ENOX1: variants seen among roughly 807,000 people sequenced by gnomAD.
ENOX1 encodes the protein ecto-NOX disulfide-thiol exchanger 1.
A neutral mutation model predicts 82.5 loss-of-function variants in ENOX1; 42 were observed. That is an observed-to-expected ratio of 0.51 (90% CI 0.40 to 0.66). The LOEUF (loss-of-function observed/expected upper bound fraction) is 0.66, where lower values mean the gene tolerates loss of function less well. Ranked by LOEUF, ENOX1 falls within the 30% of genes least tolerant of loss-of-function variation. ENOX1 has a pLI of 0.00. For synonymous variants in ENOX1, 271 were observed against 282.2 expected (o/e 0.96, Z 0.40); for missense variants, 608 against 811.6 (o/e 0.75, Z 3.05).
intron 1 of ENOX1, among the ~76,000 whole-genome samples, chr13:43,776,632 GA>G (rs1401635699): frequency 1.3e-5 from 2 of 152,186 alleles, no homozygotes; most frequent in Non-Finnish European, 2.9e-5. Context: ...CCTACCACCA[GA>G]TAGTGAGGTA....
At chr13:43,323,894 A>G (rs932691494) in intron 10 of ENOX1, among the ~76,000 whole-genome samples, 10 of 152,200 alleles carry the variant, frequency 6.6e-5, no homozygotes, top group Admixed American at 5.2e-4. Flanking sequence ...AGAGGAAAGT[A>G]TTTATTGCTA....
intron 1 of ENOX1, among the ~76,000 whole-genome samples, chr13:43,753,838 A>G (rs1475050625): frequency 6.6e-6 from 1 of 152,158 alleles, no homozygotes; most frequent in African/African-American, 2.4e-5. Context: ...GGGGCCTATT[A>G]AGAGTAATAC....
intron 3 of ENOX1, among the ~76,000 whole-genome samples, chr13:43,443,011 C>T (rs998492480): frequency 7.2e-5 from 11 of 152,036 alleles, no homozygotes; most frequent in Admixed American, 5.9e-4. Context: ...TATAGAAATG[C>T]CTTTATCATT....
rs1566788138 is a variant in ENOX1 at position 43,697,583 on chromosome 13, T to A, written c.-284-30039A>T. 1.3e-4 allele frequency among the ~76,000 whole-genome samples: 20 copies of A among 152,088 alleles called. No homozygotes were observed. The South Asian group carries it at 4.1e-3, about 32-fold the overall frequency. ...AATTTCCAGTCACAGGCTAGCCATA[T>A]CAGGACAGATCACCTGCCACGGGAT... On this transcript the variant is annotated intron_variant, in intron 1 of 16. Transcript: ENST00000690772.
intron 3 of ENOX1, among the ~76,000 whole-genome samples, chr13:43,438,990 A>G (rs1214787660): frequency 6.6e-6 from 1 of 151,490 alleles, no homozygotes; most frequent in Non-Finnish European, 1.5e-5. Flanking sequence ...TATGCTCAAC[A>G]GTGTATTATT....
chr13:43,331,122 G>C (rs952525665), intron 9 of ENOX1, among the ~76,000 whole-genome samples: 1 of 152,114 alleles, frequency 6.6e-6, no homozygotes, highest in Admixed American at 6.5e-5. Flanking sequence ...GCAGCCACTG[G>C]GTGCAAAAGC....
At chr13:43,604,411 A>G (rs2153733580) in intron 2 of ENOX1, among the ~76,000 whole-genome samples, 1 of 152,290 alleles carries the variant, frequency 6.6e-6, no homozygotes, top group East Asian at 1.9e-4. Context: ...GGATACAGCA[A>G]AAGCAGTACT....
chr13:43,377,751 C>T (rs1277410634), intron 5 of ENOX1, among the ~76,000 whole-genome samples: 1 of 152,148 alleles, frequency 6.6e-6, no homozygotes, highest in Non-Finnish European at 1.5e-5. Context: ...CAAGTGTCAG[C>T]TAGAAGCAGA....
At chr13:43,554,804 T>C (rs2079359063) in intron 2 of ENOX1, among the ~76,000 whole-genome samples, 1 of 152,168 alleles carries the variant, frequency 6.6e-6, no homozygotes, top group Non-Finnish European at 1.5e-5. Flanking sequence ...GGTCTCAAAC[T>C]CCTGGGCTCA....
At chr13:43,563,162 A>T (rs190318625) in intron 2 of ENOX1, among the ~76,000 whole-genome samples, 2,045 of 152,176 alleles carry the variant, frequency 0.013, 20 homozygotes, top group South Asian at 0.042. Flanking sequence ...GAAATTTTTT[A>T]AAAAAAATAA....
chr13:43,360,417 C>G (rs1399274427), intron 6 of ENOX1, among the ~76,000 whole-genome samples: 1 of 152,130 alleles, frequency 6.6e-6, no homozygotes, highest in Non-Finnish European at 1.5e-5. Context: ...TGAAAAACCT[C>G]AGCGTGTTAT....
At chr13:43,578,883 G>A (rs537172754) in intron 2 of ENOX1, among the ~76,000 whole-genome samples, 1 of 151,996 alleles carries the variant, frequency 6.6e-6, no homozygotes, top group Non-Finnish European at 1.5e-5. Context: ...CTTTATAACT[G>A]GAAAATTTGT....
chr13:43,529,675 T>C (rs1331533705), intron 2 of ENOX1, among the ~76,000 whole-genome samples: 1 of 152,064 alleles, frequency 6.6e-6, no homozygotes, highest in South Asian at 2.1e-4. Context: ...TTGACAGCAA[T>C]TGGGTTTGGT....
rs1441237963 is a variant in ENOX1, at chr13:43,474,709, T to A, written c.-75+9300A>T. ...TTGATGAATATTTTCTCAAACTGTA[T>A]TTGAAAAATTTAGAATCCAATACCA... is the stretch of plus-strand genomic sequence containing the variant. On this transcript the variant is annotated intron_variant, in intron 3 of 16. Transcript: ENST00000690772. Among the ~76,000 whole-genome samples the A allele has an allele frequency of 2.0e-5, 3 of 152,236 alleles. No homozygotes were observed. In the East Asian group the frequency reaches 5.8e-4, roughly 29 times the overall value.
chr13:43,442,956 T>C (rs2056438349), intron 3 of ENOX1, among the ~76,000 whole-genome samples: 1 of 152,158 alleles, frequency 6.6e-6, no homozygotes, highest in Non-Finnish European at 1.5e-5. Flanking sequence ...GTTTTAAATA[T>C]ACTATGGAAA....
intron 2 of ENOX1, among the ~76,000 whole-genome samples, chr13:43,525,075 T>G (rs1484653424): frequency 6.6e-6 from 1 of 152,176 alleles, no homozygotes; most frequent in Non-Finnish European, 1.5e-5. Flanking sequence ...TATTAAATAA[T>G]GTATATTTTT....
chr13:43,663,722 TG>T (rs2084843543), intron 2 of ENOX1, among the ~76,000 whole-genome samples: 1 of 152,226 alleles, frequency 6.6e-6, no homozygotes, highest in East Asian at 1.9e-4. Flanking sequence ...AGTGGTCATA[TG>T]AACAAGCAAG....
chr13:43,687,523 T>C (rs571176915), intron 1 of ENOX1, among the ~76,000 whole-genome samples: 2 of 152,324 alleles, frequency 1.3e-5, no homozygotes, highest in East Asian at 3.9e-4. Flanking sequence ...TATTTCATGA[T>C]TGGCTCCCTT....
chr13:43,325,443 G>A (rs557349642), intron 10 of ENOX1, among the ~76,000 whole-genome samples: 1 of 152,190 alleles, frequency 6.6e-6, no homozygotes, highest in South Asian at 2.1e-4. Context: ...TAGTGCTATT[G>A]GTATTCAACT....
Sources: allele counts gnomAD v4.1 joint callset (sites outside exome capture counted in the v4.1 genomes callset), GRCh38; gene constraint gnomAD v4.1.1; transcripts MANE v1.5; gene names NCBI Gene and HGNC (gene_info 2026-07-23, HGNC 2026-07-21).